The following CLIC4 variants were observed in gnomAD, a reference collection of about 807,000 sequenced individuals.
CLIC4 encodes the protein chloride intracellular channel protein 4.
CLIC4 carries 13 observed loss-of-function variants against 24.6 expected under a neutral mutation model. The ratio of observed to expected loss-of-function variants is 0.53; its 90% confidence interval spans 0.34 to 0.84. The LOEUF (loss-of-function observed/expected upper bound fraction) is 0.84. CLIC4 is among the 40% of genes least tolerant of loss of function. CLIC4 has a pLI of 0.01. For missense variants in CLIC4, 227 were observed against 301.7 expected (o/e 0.75, Z 1.83); for synonymous variants, 104 against 111.3 (o/e 0.93, Z 0.41).
rs760163704 is a variant in CLIC4, at chr1:24,745,613, G to C, written c.60G>C (p.Glu20Asp). 6.4e-7 allele frequency: 1 copy of C among 1,573,258 alleles called. No homozygotes were observed. The highest frequency in any genetic ancestry group is 1.4e-5 in the African/African-American group (1 of 71,998). ...LKEEDKEPLI[E>D]LFVKAGSDGE... is the part of the protein sequence containing the mutation. ...AGGAGGACAAAGAGCCCCTCATCGAGCTCTTCGTCAAGGTGAGCGCTCGCC... is the reference window on the plus strand; with the variant it reads ...AGGAGGACAAAGAGCCCCTCATCGACCTCTTCGTCAAGGTGAGCGCTCGCC... The change falls in exon 1 of 6, where the codon GAG becomes GAC. Residue 20 changes from glutamate (E) to aspartate (D), a missense_variant. Transcript: ENST00000374379.
At position 24,841,158 on chromosome 1, in the gene CLIC4, G is replaced by A. The variant is rs1639938176; in HGVS notation, c.*221G>A. Reference sequence around the variant, plus strand: ...TACCCTGGCTACCTCCCCTACCCGGGTTCCCCTCTCTTTAATTTGGAGACA... The same window carrying A: ...TACCCTGGCTACCTCCCCTACCCGGATTCCCCTCTCTTTAATTTGGAGACA... On this transcript the variant is annotated 3_prime_UTR_variant, in exon 6 of 6. Transcript: ENST00000374379. 1 of 317,666 alleles carries A rather than the reference G, an allele frequency of 3.1e-6. No individual in the cohort carries two copies. The highest frequency in any genetic ancestry group is 5.7e-6 in the Non-Finnish European group (1 of 176,140). 19.7% of individuals were successfully genotyped at this position (317,666 alleles called of 1,614,324 possible). A position where few individuals can be genotyped will look rare whatever the true frequency, so the allele number is the denominator to read the frequency against.
intron 1 of CLIC4, among the ~76,000 whole-genome samples, chr1:24,789,542 C>T (rs1275295817): frequency 6.6e-6 from 1 of 151,898 alleles, no homozygotes; most frequent in Non-Finnish European, 1.5e-5. Context: ...AACAAAAAAA[C>T]CTGGAAATAT....
chr1:24,769,347 G>A (rs1159709594), intron 1 of CLIC4, among the ~76,000 whole-genome samples: 1 of 152,088 alleles, frequency 6.6e-6, no homozygotes, highest in East Asian at 1.9e-4. Flanking sequence ...CTTACTATGG[G>A]CCAGGCACAG....
chr1:24,788,282 G>A (rs1239058660), intron 1 of CLIC4, among the ~76,000 whole-genome samples: 4 of 152,140 alleles, frequency 2.6e-5, no homozygotes, highest in Non-Finnish European at 5.9e-5. Context: ...TAGCCACCAC[G>A]CCTGGCCACC....
Position 24,797,791 on chromosome 1 carries a change from T to C in CLIC4, c.122T>C (p.Leu41Pro). 1.2e-6 allele frequency: 2 copies of C among 1,613,732 alleles called. No homozygotes were observed. Among genetic ancestry groups the C allele is most frequent in the Non-Finnish European group, 8.5e-7 (1 of 1,179,866 alleles). Residue 41 changes from leucine to proline, a missense_variant, in exon 2 of 6, where the codon CTC (leucine) becomes CCC (proline). Leu to Pro is a moderately conservative substitution (Grantham distance 98). Transcript: ENST00000374379. ...SIGNCPFSQR[L>P]FMILWLKGVV... ...GGAAACTGCCCCTTTTCCCAGAGGC[T>C]CTTCATGATTCTTTGGCTCAAAGGA...
At chr1:24,750,603 G>A (rs1638762815) in intron 1 of CLIC4, among the ~76,000 whole-genome samples, 1 of 151,926 alleles carries the variant, frequency 6.6e-6, no homozygotes, top group African/African-American at 2.4e-5. Context: ...GACCTCAGGT[G>A]ATCAGCCTGC....
In CLIC4 at chr1:24,785,081, C is replaced by A. The variant is rs189811699; in HGVS notation, c.73-12661C>A. 1.1e-3 allele frequency among the ~76,000 whole-genome samples: 165 copies of A among 147,628 alleles called. 1 individual carries two copies. Among genetic ancestry groups the A allele is most frequent in the Middle Eastern group, 3.5e-3 (1 of 288 alleles). Reference sequence around the variant, plus strand: ...AGTGAACATTTAAACTTTATGTAGACCTTTTTTTTTTTTTTTTAAAGCATC... The same window carrying A: ...AGTGAACATTTAAACTTTATGTAGAACTTTTTTTTTTTTTTTTAAAGCATC... On this transcript the variant is annotated intron_variant, in intron 1 of 5. Coordinates refer to ENST00000374379, the MANE Select transcript of CLIC4 (RefSeq NM_013943.3).
chr1:24,799,631 C>G, intron 2 of CLIC4, among the ~76,000 whole-genome samples: 1 of 143,686 alleles, frequency 7.0e-6, no homozygotes, highest in East Asian at 2.1e-4. Flanking sequence ...GCCAGCCGCC[C>G]CGTCGGGGAG....
At chr1:24,799,709 G>GC (rs1307623930) in intron 2 of CLIC4, among the ~76,000 whole-genome samples, 1,757 of 123,892 alleles carry the variant, frequency 0.014, 32 homozygotes, top group African/African-American at 0.024. Flanking sequence ...GGGGGGGTCA[G>GC]CCCCCCGCCC....
chr1:24,839,807 C>T, intron 4 of CLIC4, 53 bp from the exon 5 acceptor site: 6 of 1,487,358 alleles, frequency 4.0e-6, no homozygotes, highest in Non-Finnish European at 4.6e-6. Flanking sequence ...TCCTTGGGGA[C>T]TTGAGTGGTT....
chr1:24,800,457 C>T (rs1386067772), intron 2 of CLIC4, among the ~76,000 whole-genome samples: 1 of 149,410 alleles, frequency 6.7e-6, no homozygotes, highest in Non-Finnish European at 1.5e-5. Context: ...GGTCAGCCCC[C>T]TGCCCGGCCA....
At chr1:24,792,633 G>A (rs1337613753) in intron 1 of CLIC4, among the ~76,000 whole-genome samples, 3 of 152,116 alleles carry the variant, frequency 2.0e-5, no homozygotes, top group Admixed American at 6.5e-5. Flanking sequence ...GTCATTAGTG[G>A]TTAGTAAAAA....
At chr1:24,756,223 T>A (rs1338580276) in intron 1 of CLIC4, among the ~76,000 whole-genome samples, 2 of 152,138 alleles carry the variant, frequency 1.3e-5, no homozygotes, top group African/African-American at 4.8e-5. Context: ...ATGGTCTTGA[T>A]CTCCTGACCT....
chr1:24,763,819 A>C (rs1486152148), intron 1 of CLIC4, among the ~76,000 whole-genome samples: 2 of 152,082 alleles, frequency 1.3e-5, no homozygotes, highest in East Asian at 3.9e-4. Context: ...TTCATATTTC[A>C]TGCCTCTTAT....
intron 1 of CLIC4, among the ~76,000 whole-genome samples, chr1:24,746,953 A>G (rs1276600343): frequency 2.0e-5 from 3 of 152,242 alleles, no homozygotes; most frequent in Non-Finnish European, 1.5e-5. Context: ...GCACCACTGC[A>G]TTCCAGCCTG....
intron 3 of CLIC4, among the ~76,000 whole-genome samples, chr1:24,822,925 C>G (rs1639750085): frequency 6.6e-6 from 1 of 152,192 alleles, no homozygotes; most frequent in African/African-American, 2.4e-5. Flanking sequence ...AGGGACCATT[C>G]TGTCTCACTG....
In CLIC4 at chr1:24,843,541, T is replaced by C. The variant is rs1330105090; in HGVS notation, c.*2604T>C. 1 of 152,226 alleles carries C rather than the reference T, an allele frequency of 6.6e-6. No individual in the cohort carries two copies. Among genetic ancestry groups the C allele is most frequent in the Non-Finnish European group, 1.5e-5 (1 of 68,022 alleles). The allele number at this position is 152,226 out of a possible 1,614,324, so 9.4% of individuals were successfully genotyped here. On this transcript the variant is annotated 3_prime_UTR_variant, in exon 6 of 6. Transcript: ENST00000374379. ...TTTTTGTATTCAGCAGTTGGAAAGCTCTCTATTCTAGTTGATAAAACTTCC... is the reference window on the plus strand; with the variant it reads ...TTTTTGTATTCAGCAGTTGGAAAGCCCTCTATTCTAGTTGATAAAACTTCC...
chr1:24,787,148 A>G (rs768383080), intron 1 of CLIC4, among the ~76,000 whole-genome samples: 1 of 152,252 alleles, frequency 6.6e-6, no homozygotes, highest in Admixed American at 6.5e-5. Context: ...CTGGTTTTCT[A>G]ATTTTTAAGA....
chr1:24,793,977 A>G (rs573705622), intron 1 of CLIC4, among the ~76,000 whole-genome samples: 2 of 152,304 alleles, frequency 1.3e-5, no homozygotes, highest in East Asian at 1.9e-4. Context: ...GGCACTTTCC[A>G]TGGACGTCAT....
Sources: gnomAD v4.1 joint callset for allele counts (sites outside exome capture counted in the v4.1 genomes callset) on GRCh38, gnomAD v4.1.1 for gene constraint, MANE v1.5 for transcripts, NCBI Gene and HGNC (gene_info 2026-07-23, HGNC 2026-07-21) for gene names.